The following LRP1B variants were observed in gnomAD, a reference collection of about 807,000 sequenced individuals.
LRP1B encodes low-density lipoprotein receptor-related protein 1B.
In LRP1B, 217 loss-of-function variants were observed where a neutral mutation model predicts 556.6. The observed-to-expected ratio is 0.39, with a 90% confidence interval of 0.35 to 0.44. The LOEUF (loss-of-function observed/expected upper bound fraction) is 0.44. Ranked by LOEUF, LRP1B falls within the 20% of genes least tolerant of loss-of-function variation. LRP1B has a pLI of 1.00. For missense variants in LRP1B, 5,053 were observed against 5,620.8 expected (o/e 0.90, Z 3.23); for synonymous variants, 2,047 against 1,865.8 (o/e 1.10, Z -2.50).
intron 1 of LRP1B, among the ~76,000 whole-genome samples, chr2:141,919,158 A>C (rs990779619): frequency 1.3e-5 from 2 of 152,114 alleles, no homozygotes; most frequent in African/African-American, 4.8e-5. Context: ...TGGAATACTT[A>C]TATATATGTG....
chr2:142,018,698 C>T (rs1402303912), intron 1 of LRP1B, among the ~76,000 whole-genome samples: 3 of 151,792 alleles, frequency 2.0e-5, no homozygotes, highest in South Asian at 4.2e-4. Context: ...CAAAAATGTG[C>T]CCATGTCCAT....
chr2:140,610,740 C>G (rs1683041811), intron 41 of LRP1B, among the ~76,000 whole-genome samples: 1 of 152,162 alleles, frequency 6.6e-6, no homozygotes, highest in Non-Finnish European at 1.5e-5. Flanking sequence ...TGCCCGCCAC[C>G]ATGGCCGGCT....
chr2:140,436,961 G>A (rs975182153), intron 66 of LRP1B, among the ~76,000 whole-genome samples: 1 of 152,134 alleles, frequency 6.6e-6, no homozygotes, highest in Non-Finnish European at 1.5e-5. Flanking sequence ...GTGGGTAGAA[G>A]TTAGAAGTAT....
chr2:141,698,734 C>T (rs577650557), intron 2 of LRP1B, among the ~76,000 whole-genome samples: 6 of 146,908 alleles, frequency 4.1e-5, no homozygotes, highest in African/African-American at 7.5e-5. Flanking sequence ...AATTTCAGAA[C>T]GGAAAAAAAA....
chr2:141,143,355 A>G (rs1404097675), intron 7 of LRP1B, among the ~76,000 whole-genome samples: 4 of 152,176 alleles, frequency 2.6e-5, no homozygotes, highest in African/African-American at 9.6e-5. Flanking sequence ...TCTCTGGACC[A>G]TAGATTTACC....
chr2:141,339,687 A>G (rs1006492729), intron 3 of LRP1B, among the ~76,000 whole-genome samples: 15 of 152,230 alleles, frequency 9.9e-5, no homozygotes, highest in African/African-American at 3.6e-4. Flanking sequence ...GCGTGGTTTC[A>G]ACATGAAGTC....
At chr2:140,855,581 C>G (rs1160669954) in intron 27 of LRP1B, among the ~76,000 whole-genome samples, 1 of 151,412 alleles carries the variant, frequency 6.6e-6, no homozygotes, top group Non-Finnish European at 1.5e-5. Context: ...CCCAAGAATC[C>G]TCAGCACTAG....
chr2:140,246,124 C>T (rs1681149470), intron 87 of LRP1B, among the ~76,000 whole-genome samples: 1 of 151,250 alleles, frequency 6.6e-6, no homozygotes, highest in African/African-American at 2.4e-5. Flanking sequence ...GGGAAGCCTG[C>T]TTCTAGGGTA....
chr2:141,211,671 G>A (rs934990650), intron 6 of LRP1B, among the ~76,000 whole-genome samples: 1 of 152,104 alleles, frequency 6.6e-6, no homozygotes, highest in Non-Finnish European at 1.5e-5. Context: ...TTATGGCTAT[G>A]TACGGATCAT....
At chr2:140,875,683 T>A (rs1390850277) in intron 25 of LRP1B, among the ~76,000 whole-genome samples, 1 of 152,180 alleles carries the variant, frequency 6.6e-6, no homozygotes, top group Non-Finnish European at 1.5e-5. Flanking sequence ...CTTTAAGGTG[T>A]TAGTTTCCCT....
rs948556049 is a variant in LRP1B at position 141,429,913 on chromosome 2, T to C, written c.343+50483A>G. On this transcript the variant is annotated intron_variant, in intron 3 of 90. Coordinates refer to ENST00000389484, the MANE Select transcript of LRP1B (RefSeq NM_018557.3). ...AATGGATTAAGTAAAATTGTGGAAT[T>C]ATTAAAGGAACATAAGAATATCAAT... 5.9e-5 allele frequency among the ~76,000 whole-genome samples: 9 copies of C among 152,158 alleles called. 1 individual carries two copies. Among genetic ancestry groups the C allele is most frequent in the African/African-American group, 2.2e-4 (9 of 41,446 alleles).
intron 3 of LRP1B, among the ~76,000 whole-genome samples, chr2:141,315,154 G>A (rs1259598398): frequency 6.7e-6 from 1 of 148,896 alleles, no homozygotes; most frequent in Non-Finnish European, 1.5e-5. Context: ...CTTGATCAGA[G>A]ATAGAAACTT....
intron 2 of LRP1B, among the ~76,000 whole-genome samples, chr2:141,679,343 C>T (rs528953594): frequency 6.6e-6 from 1 of 152,116 alleles, no homozygotes; most frequent in South Asian, 2.1e-4. Flanking sequence ...ATAAATGTTT[C>T]GTTTTAAGTC....
intron 18 of LRP1B, among the ~76,000 whole-genome samples, chr2:140,955,296 G>T (rs897847370): frequency 4.6e-5 from 7 of 151,780 alleles, no homozygotes; most frequent in African/African-American, 1.7e-4. Flanking sequence ...TTTAAAAGTT[G>T]AAAATAGCAT....
intron 1 of LRP1B, among the ~76,000 whole-genome samples, chr2:142,029,758 T>C (rs565657541): frequency 1.3e-5 from 2 of 152,014 alleles, no homozygotes; most frequent in South Asian, 4.1e-4. Flanking sequence ...CGCACAGTAT[T>C]GTTTTGTTAA....
At chr2:140,305,264 G>A (rs1415163096) in intron 83 of LRP1B, among the ~76,000 whole-genome samples, 1 of 152,096 alleles carries the variant, frequency 6.6e-6, no homozygotes, top group Non-Finnish European at 1.5e-5. Context: ...CCATTTTCAC[G>A]ATACTGATTC....
chr2:141,943,128 A>G (rs1286691735), intron 1 of LRP1B, among the ~76,000 whole-genome samples: 1 of 152,190 alleles, frequency 6.6e-6, no homozygotes, highest in Non-Finnish European at 1.5e-5. Flanking sequence ...AGTAGCTAAG[A>G]GAGTTCAGAA....
At chr2:142,069,388 C>G (rs983886277) in intron 1 of LRP1B, among the ~76,000 whole-genome samples, 1 of 151,486 alleles carries the variant, frequency 6.6e-6, no homozygotes, top group South Asian at 2.1e-4. Flanking sequence ...CACATTAATA[C>G]TCTTGGGAAG....
intron 25 of LRP1B, 105 bp from the exon 26 acceptor site, chr2:140,868,368 G>T (rs1340502192): frequency 1.9e-6 from 2 of 1,058,108 alleles, no homozygotes; most frequent in East Asian, 5.5e-5. Context: ...TAGGTGATAA[G>T]TCACAAGAGA....
Sources: allele counts gnomAD v4.1 joint callset (sites outside exome capture counted in the v4.1 genomes callset), GRCh38; gene constraint gnomAD v4.1.1; transcripts MANE v1.5; gene names NCBI Gene and HGNC (gene_info 2026-07-23, HGNC 2026-07-21).